PTPRJ: variants seen among roughly 807,000 people sequenced by gnomAD.
The protein encoded by PTPRJ is protein tyrosine phosphatase receptor type J, also known as receptor-type tyrosine-protein phosphatase eta.
PTPRJ carries 129 observed loss-of-function variants against 141.3 expected under a neutral mutation model. The ratio of observed to expected loss-of-function variants is 0.91; its 90% CI spans 0.79 to 1.06. PTPRJ has a LOEUF of 1.06. Among genes scored for constraint, PTPRJ ranks in the 50% least tolerant of loss-of-function variants. PTPRJ has a pLI of 0.00. For synonymous variants in PTPRJ, 610 were observed against 640.5 expected (o/e 0.95, Z 0.72); for missense variants, 1,601 against 1,679.7 (o/e 0.95, Z 0.82).
At chr11:48,045,462 T>C (rs778473274) in intron 1 of PTPRJ, among the ~76,000 whole-genome samples, 2 of 152,198 alleles carry the variant, frequency 1.3e-5, no homozygotes, top group Non-Finnish European at 2.9e-5. Flanking sequence ...TGGGAGAATG[T>C]CTCAATTCAG....
At chr11:48,056,585 G>C (rs998983357) in intron 1 of PTPRJ, among the ~76,000 whole-genome samples, 1 of 152,134 alleles carries the variant, frequency 6.6e-6, no homozygotes, top group Non-Finnish European at 1.5e-5. Flanking sequence ...CAAGTACTTT[G>C]CATCACTTAG....
chr11:48,042,480 C>G (rs750474010), intron 1 of PTPRJ, among the ~76,000 whole-genome samples: 16 of 152,156 alleles, frequency 1.1e-4, no homozygotes, highest in Admixed American at 4.6e-4. Context: ...TTTTCTCTCT[C>G]TTTCCCTTCT....
chr11:48,097,446 ATGTTGAAAAGT>A (rs1856038935), intron 1 of PTPRJ, among the ~76,000 whole-genome samples: 1 of 152,190 alleles, frequency 6.6e-6, no homozygotes, highest in Admixed American at 6.5e-5. Flanking sequence ...GATAGTGTGT[ATGTTGAAAAGT>A]TCAGAACAAG....
intron 2 of PTPRJ, 41 bp from the exon 3 acceptor site, chr11:48,112,706 G>C (rs747390229): frequency 6.8e-7 from 1 of 1,463,264 alleles, no homozygotes; most frequent in Non-Finnish European, 9.6e-7. Flanking sequence ...GTCTCCTGGA[G>C]AAATATATTT....
At chr11:48,080,496 G>C (rs1855530082) in intron 1 of PTPRJ, among the ~76,000 whole-genome samples, 1 of 152,100 alleles carries the variant, frequency 6.6e-6, no homozygotes, top group Admixed American at 6.6e-5. Flanking sequence ...TAGCCAATAG[G>C]GGCACATAAA....
chr11:48,109,935 C>T, intron 1 of PTPRJ, 123 bp from the exon 2 acceptor site: 4 of 1,106,352 alleles, frequency 3.6e-6, no homozygotes, highest in Non-Finnish European at 5.5e-6. Flanking sequence ...ACCAGCAGAC[C>T]TTTGCTTAAT....
At chr11:48,019,984 A>G (rs1855067319) in intron 1 of PTPRJ, among the ~76,000 whole-genome samples, 1 of 152,224 alleles carries the variant, frequency 6.6e-6, no homozygotes, top group African/African-American at 2.4e-5. Flanking sequence ...ATAAAATGAA[A>G]TGAATAGTTG....
intron 1 of PTPRJ, among the ~76,000 whole-genome samples, chr11:48,074,602 G>T (rs1398827099): frequency 6.6e-6 from 1 of 152,180 alleles, no homozygotes; most frequent in Non-Finnish European, 1.5e-5. Flanking sequence ...AACCCAGAGG[G>T]GGTGTTAGTA....
chr11:48,121,037 C>T lies in PTPRJ; in HGVS notation c.387C>T (p.Ser129=), dbSNP rs1182706968. The change falls in exon 4 of 25, where the codon TCC becomes TCT. Residue 129 remains serine, a synonymous_variant. Coordinates refer to ENST00000418331, the MANE Select transcript of PTPRJ (RefSeq NM_002843.4). The part of the protein sequence containing the change: ...PSPVFDIKAV[S]ISPTNVILTW... The stretch of plus-strand genomic sequence containing the variant: ...CTGTGTTTGACATTAAAGCTGTTTC[C>T]ATCAGTCCAACCAATGTGATCTTAA... The T allele has an allele frequency of 3.7e-6, 6 of 1,609,554 alleles. No homozygotes were observed. The highest frequency in any genetic ancestry group is 5.1e-6 in the Non-Finnish European group (6 of 1,177,726).
At chr11:48,136,627 C>T (rs1456123922) in intron 9 of PTPRJ, among the ~76,000 whole-genome samples, 2 of 152,110 alleles carry the variant, frequency 1.3e-5, no homozygotes, top group African/African-American at 4.8e-5. Flanking sequence ...AGGAGCTTCG[C>T]CTGCAACAGT....
intron 1 of PTPRJ, among the ~76,000 whole-genome samples, chr11:48,095,821 T>G (rs1157886843): frequency 4.6e-5 from 7 of 152,168 alleles, no homozygotes; most frequent in Admixed American, 1.3e-4. Context: ...CCTCAGGTGA[T>G]CCACCCACCT....
intron 3 of PTPRJ, among the ~76,000 whole-genome samples, chr11:48,115,182 A>T (rs1176711497): frequency 6.6e-6 from 1 of 152,244 alleles, no homozygotes; most frequent in Non-Finnish European, 1.5e-5. Context: ...GGAGAAAGAT[A>T]TAAATATCCA....
At chr11:47,985,671 CATTTATTTATTTATTTATTTATTT>C (rs139376265) in intron 1 of PTPRJ, among the ~76,000 whole-genome samples, 2 of 135,980 alleles carry the variant, frequency 1.5e-5, no homozygotes, top group South Asian at 2.4e-4. Flanking sequence ...AGGTGGCAGA[CATTTATTTATTTATTTATTTATTT>C]ATTTATTTAT....
intron 1 of PTPRJ, among the ~76,000 whole-genome samples, chr11:48,078,567 G>A (rs1013355627): frequency 7.9e-5 from 12 of 152,118 alleles, no homozygotes; most frequent in African/African-American, 2.2e-4. Context: ...TTTAAAAGGC[G>A]GAGTGAGAGG....
chr11:48,058,673 G>A (rs377020932), intron 1 of PTPRJ, among the ~76,000 whole-genome samples: 1 of 152,094 alleles, frequency 6.6e-6, no homozygotes, highest in African/African-American at 2.4e-5. Context: ...GGATTAGTGC[G>A]GGGCTCTCTT....
chr11:48,144,689 G>A lies in PTPRJ; in HGVS notation c.2590G>A (p.Ala864Thr). The A allele has an allele frequency of 6.2e-7, 1 of 1,613,830 alleles. No homozygotes were observed. Among genetic ancestry groups the A allele is most frequent in the Non-Finnish European group, 8.5e-7 (1 of 1,179,754 alleles). ...LTTGEAGHPS[A>T]DVLKYTYEDF... ...ACCTTTCTTAGCTGGTCACCCTTCT[G>A]CAGATGTCCTGAAATACACGTATGA... The change falls in exon 13 of 25, where the codon GCA (alanine) becomes ACA (threonine). Residue 864 changes from alanine to threonine, a missense_variant. Coordinates refer to ENST00000418331, the MANE Select transcript of PTPRJ (RefSeq NM_002843.4).
chr11:48,084,279 G>A (rs1276329609), intron 1 of PTPRJ, among the ~76,000 whole-genome samples: 1 of 152,076 alleles, frequency 6.6e-6, no homozygotes, highest in South Asian at 2.1e-4. Flanking sequence ...GGGTTCAAGC[G>A]ATTCTCCTGC....
chr11:48,080,492 A>G (rs916067380), intron 1 of PTPRJ, among the ~76,000 whole-genome samples: 2 of 152,164 alleles, frequency 1.3e-5, no homozygotes, highest in African/African-American at 4.8e-5. Flanking sequence ...TTCTTAGCCA[A>G]TAGGGGCACA....
intron 1 of PTPRJ, among the ~76,000 whole-genome samples, chr11:48,035,252 G>T (rs1419809081): frequency 6.6e-6 from 1 of 152,246 alleles, no homozygotes; most frequent in African/African-American, 2.4e-5. Context: ...TCAGAGCTTG[G>T]CTTTGAAAGC....
Sources: gnomAD v4.1 joint callset for allele counts (sites outside exome capture counted in the v4.1 genomes callset) on GRCh38, gnomAD v4.1.1 for gene constraint, MANE v1.5 for transcripts, NCBI Gene and HGNC (gene_info 2026-07-23, HGNC 2026-07-21) for gene names.